Variants in CRNKL1 observed in about 807,000 individuals in gnomAD.
CRNKL1 encodes the protein crooked neck pre-mRNA splicing factor 1.
A neutral mutation model predicts 103.7 loss-of-function variants in CRNKL1; 35 were observed. The observed-to-expected ratio is 0.34, with a 90% CI of 0.26 to 0.45. The LOEUF (loss-of-function observed/expected upper bound fraction) is 0.45. Among genes scored for constraint, CRNKL1 ranks in the 20% least tolerant of loss-of-function variants. The pLI, the probability that CRNKL1 is intolerant of heterozygous loss-of-function variation, is 1.00. For missense variants in CRNKL1, 645 were observed against 836.0 expected (o/e 0.77, Z 2.82); for synonymous variants, 267 against 282.6 (o/e 0.94, Z 0.55).
chr20:20,047,226 A>G (rs1054799112), intron 5 of CRNKL1, among the ~76,000 whole-genome samples: 4 of 152,228 alleles, frequency 2.6e-5, no homozygotes, highest in Admixed American at 2.6e-4. Context: ...ATATCTGTGG[A>G]TTCAACCAAC....
At chr20:20,052,720 G>C (rs1368278260), upstream of CRNKL1, 10 of 1,606,438 alleles carry the variant, frequency 6.2e-6, no homozygotes, top group Non-Finnish European at 8.5e-6. Flanking sequence ...GAGCCGTGGC[G>C]CCCTGCAAGG....
At position 20,039,880 on chromosome 20, in the gene CRNKL1, A is replaced by G. The variant is rs200829792; in HGVS notation, c.1306-32T>C. The G allele has an allele frequency of 5.6e-6, 9 of 1,607,902 alleles. No individual in the cohort carries two copies. In the East Asian group the frequency reaches 2.0e-4, roughly 36 times the overall value. On this transcript the variant is annotated intron_variant, in intron 10 of 13. Coordinates refer to ENST00000536226, the MANE Select transcript of CRNKL1 (RefSeq NM_001278628.2). ...AATAAAATAACCAGACCACTGTGAT[A>G]CTGTAGTGGATTTAATCTGTGCAGT...
At chr20:20,048,873 A>T (rs984454084) in intron 3 of CRNKL1, among the ~76,000 whole-genome samples, 2 of 152,154 alleles carry the variant, frequency 1.3e-5, no homozygotes, top group African/African-American at 4.8e-5. Context: ...CCAGGCAAGG[A>T]GAACAGTCAA....
rs774338051 is a variant in CRNKL1 at position 20,047,829 on chromosome 20, G to C, written c.558C>G (p.His186Gln). 11 of 1,614,120 alleles carry C rather than the reference G, an allele frequency of 6.8e-6. No individual in the cohort carries two copies. The East Asian group carries it at 2.5e-4, about 36-fold the overall frequency. Residue 186 changes from histidine to glutamine, a missense_variant, in exon 5 of 14, where the codon CAC (histidine) becomes CAG (glutamine). By Grantham distance (24) the His-to-Gln change is conservative. This residue lies in a region of CRNKL1 where 582 missense variants were observed against 707.7 expected (regional missense o/e 0.82). Transcript: ENST00000536226. ...ATCTCAGCTCAAAGTTGATGTAGGA[G>C]TGCCAGGCTTGCTCCTCAGGCTGCC... ...MEWQPEEQAW[H>Q]SYINFELRYK... is the part of the protein sequence containing the mutation.
At chr20:20,049,002 TTTTTATTTTTTTTGGCCATTGG>T (rs1394252102) in intron 3 of CRNKL1, among the ~76,000 whole-genome samples, 9 of 152,042 alleles carry the variant, frequency 5.9e-5, no homozygotes, top group East Asian at 1.9e-4. Context: ...CAGATTGCAA[TTTTTATTTTTTTTGGCCATTGG>T]TTTTATTTTT....
chr20:20,043,184 CCTT>C (rs1470051665), intron 7 of CRNKL1, among the ~76,000 whole-genome samples: 1 of 152,188 alleles, frequency 6.6e-6, no homozygotes. Context: ...GACTCTTCCA[CCTT>C]CTTCCAACAA....
At chr20:20,045,625 A>C in intron 5 of CRNKL1, 139 bp from the exon 6 acceptor site, 2 of 704,248 alleles carry the variant, frequency 2.8e-6, no homozygotes, top group Non-Finnish European at 4.6e-6. Context: ...ACACATACAA[A>C]AGTGTAGAAT....
upstream of CRNKL1, chr20:20,055,831 G>A: frequency 1.3e-6 from 1 of 761,634 alleles, no homozygotes; most frequent in Non-Finnish European, 2.3e-6. Flanking sequence ...TGAGCTCACT[G>A]GCTAGTATAT....
At chr20:20,049,954 A>C (rs1299823942) in intron 2 of CRNKL1, among the ~76,000 whole-genome samples, 1 of 151,966 alleles carries the variant, frequency 6.6e-6, no homozygotes, top group Non-Finnish European at 1.5e-5. Flanking sequence ...AATAGCTGGG[A>C]TTACAGGCAC....
chr20:20,050,262 A>G (rs1408238454), intron 2 of CRNKL1, among the ~76,000 whole-genome samples: 3 of 152,334 alleles, frequency 2.0e-5, no homozygotes, highest in Admixed American at 6.5e-5. Flanking sequence ...TGCAGATTCA[A>G]TTTCTTTACA....
chr20:20,038,289 C>T, intron 12 of CRNKL1, 60 bp downstream of exon 12: 2 of 887,050 alleles, frequency 2.3e-6, no homozygotes, highest in Admixed American at 2.6e-5. Flanking sequence ...AGAAATATAT[C>T]ATTTTCTTCT....
rs78000007 is a variant in CRNKL1 at position 20,047,561 on chromosome 20, T to C, written c.622+204A>G. ...CAATAAAATAAACCCAAACTCTCAC[T>C]AGAAAAGACTAGTTACCCAGAATAC... On this transcript the variant is annotated intron_variant, in intron 5 of 13. Coordinates refer to ENST00000536226, the MANE Select transcript of CRNKL1 (RefSeq NM_001278628.2). Among the ~76,000 whole-genome samples the C allele has an allele frequency of 8.1e-3, 1,234 of 152,276 alleles. 13 individuals carry two copies. Among genetic ancestry groups the C allele is most frequent in the African/African-American group, 0.028 (1,183 of 41,548 alleles).
chr20:20,044,779 CCACT>C (rs2043569139), intron 6 of CRNKL1, among the ~76,000 whole-genome samples: 1 of 145,246 alleles, frequency 6.9e-6, no homozygotes, highest in Non-Finnish European at 1.5e-5. Context: ...ACCACTATGC[CCACT>C]CAATTTTTTT....
Position 20,048,329 on chromosome 20 carries a change from G to T in CRNKL1, c.455+14C>A, listed in dbSNP as rs1268415242. 1.2e-6 allele frequency: 2 copies of T among 1,613,610 alleles called. No homozygotes were observed. Among genetic ancestry groups the T allele is most frequent in the African/African-American group, 2.7e-5 (2 of 74,918 alleles). On this transcript the variant is annotated intron_variant, in intron 4 of 13. Transcript: ENST00000536226. ...TAGTCTATAAAAGGCTGTTTTGTTA[G>T]ATCAGAAACTTACCAGAACTGATTA... is the stretch of plus-strand genomic sequence containing the variant.
At position 20,050,760 on chromosome 20, in the gene CRNKL1, C is replaced by T. The variant is rs2043687295; in HGVS notation, c.52-138G>A. ...CTTTTTGTATGACATGTTCCCATTCCTCCATGAGACTGAAAAGAAAAAAAA... is the reference window on the plus strand; with the variant it reads ...CTTTTTGTATGACATGTTCCCATTCTTCCATGAGACTGAAAAGAAAAAAAA... On this transcript the variant is annotated intron_variant, in intron 1 of 13. Transcript: ENST00000536226. 5 of 648,656 alleles carry T rather than the reference C, an allele frequency of 7.7e-6. No individual in the cohort carries two copies. The South Asian group carries it at 1.1e-4, about 14-fold the overall frequency. The allele number at this position is 648,656 out of a possible 1,614,324, so 40.2% of individuals were successfully genotyped here.
chr20:20,035,203 G>C lies in CRNKL1; in HGVS notation c.*992C>G, dbSNP rs1334659376. ...TTTCTACTATAGCACACTGGGAGAT[G>C]TTTACTGGTACTCTAGGTAGAAATG... is the stretch of plus-strand genomic sequence containing the variant. On this transcript the variant is annotated 3_prime_UTR_variant, in exon 14 of 14. Transcript: ENST00000536226. 1 of 152,182 alleles carries C rather than the reference G, an allele frequency of 6.6e-6. No individual in the cohort carries two copies. The highest frequency in any genetic ancestry group is 6.5e-5 in the Admixed American group (1 of 15,286). 9.4% of individuals were successfully genotyped at this position (152,182 alleles called of 1,614,324 possible). A position where few individuals can be genotyped will look rare whatever the true frequency, so the allele number is the denominator to read the frequency against.
chr20:20,054,116 G>T (rs2044071096), upstream of CRNKL1, among the ~76,000 whole-genome samples: 1 of 146,990 alleles, frequency 6.8e-6, no homozygotes, highest in African/African-American at 2.5e-5. Flanking sequence ...TTATTTCCCA[G>T]CATTTAATCT....
rs139375155 is a variant in CRNKL1, at chr20:20,039,890, A to G, written c.1306-42T>C. The stretch of plus-strand genomic sequence containing the variant: ...CCAGACCACTGTGATACTGTAGTGG[A>G]TTTAATCTGTGCAGTTATTGCACTG... On this transcript the variant is annotated intron_variant, in intron 10 of 13. Transcript: ENST00000536226. The G allele has an allele frequency of 1.0e-3, 1,651 of 1,602,162 alleles. 11 individuals carry two copies. In the African/African-American group the frequency reaches 0.016, roughly 16 times the overall value.
chr20:20,039,282 G>C (rs1319675406), intron 11 of CRNKL1, among the ~76,000 whole-genome samples: 1 of 152,176 alleles, frequency 6.6e-6, no homozygotes, highest in Non-Finnish European at 1.5e-5. Flanking sequence ...TTCTCCGGGT[G>C]GGCCAGCCTG....
Sources: gnomAD v4.1 joint callset for allele counts (sites outside exome capture counted in the v4.1 genomes callset) on GRCh38, gnomAD v4.1.1 for gene constraint, gnomAD v4.1.1 regional missense constraint, MANE v1.5 for transcripts, NCBI Gene and HGNC (gene_info 2026-07-23, HGNC 2026-07-21) for gene names.